Variants in DNAH14 observed in about 807,000 individuals in gnomAD.
DNAH14 encodes the protein axonemal beta dynein heavy chain 14.
Under a neutral mutation model 520.9 loss-of-function variants are expected in DNAH14, and 478 were observed. The observed-to-expected ratio is 0.92, with a 90% confidence interval of 0.85 to 0.99. The LOEUF is 0.99. DNAH14 is among the 50% of genes least tolerant of loss of function. DNAH14 has a pLI of 0.00. For missense variants in DNAH14, 4,831 were observed against 5,234.5 expected, an observed-to-expected ratio of 0.92 and a Z score of 2.38; for synonymous variants, 1,581 against 1,757.2, an observed-to-expected ratio of 0.90 and a Z score of 2.51.
At chr1:225,006,548 A>AACAT (rs1226737319) in intron 9 of DNAH14, among the ~76,000 whole-genome samples, 1 of 36,586 alleles carries the variant, frequency 2.7e-5, no homozygotes, top group Non-Finnish European at 2.1e-4. Flanking sequence ...ATTGGGGTTG[A>AACAT]AGATAAGGGA....
chr1:225,191,394 C>T (rs2085419355), intron 37 of DNAH14, among the ~76,000 whole-genome samples: 1 of 151,970 alleles, frequency 6.6e-6, no homozygotes, highest in Non-Finnish European at 1.5e-5. Context: ...CACTTTGTAT[C>T]ATCCCATGCC....
intron 1 of DNAH14, among the ~76,000 whole-genome samples, chr1:224,936,540 G>A (rs1192571701): frequency 3.3e-5 from 5 of 151,742 alleles, no homozygotes; most frequent in African/African-American, 7.2e-5. Context: ...GAACATCAAC[G>A]AACCAATAGG....
intron 34 of DNAH14, among the ~76,000 whole-genome samples, chr1:225,159,100 G>T (rs2081301912): frequency 6.6e-6 from 1 of 152,082 alleles, no homozygotes; most frequent in Non-Finnish European, 1.5e-5. Context: ...CTGGGGATTG[G>T]TGTTGCTCTT....
chr1:225,031,141 T>G (rs1202759528), intron 11 of DNAH14, among the ~76,000 whole-genome samples: 1 of 152,078 alleles, frequency 6.6e-6, no homozygotes, highest in Non-Finnish European at 1.5e-5. Context: ...TTAAAAATGG[T>G]ACCATATTTT....
chr1:225,091,650 A>G (rs1387619369), intron 21 of DNAH14, among the ~76,000 whole-genome samples: 1 of 152,144 alleles, frequency 6.6e-6, no homozygotes, highest in Non-Finnish European at 1.5e-5. Flanking sequence ...TAGACCATTG[A>G]CACTATAAAG....
chr1:225,096,281 C>G (rs1176783138), intron 21 of DNAH14, among the ~76,000 whole-genome samples: 3 of 151,920 alleles, frequency 2.0e-5, no homozygotes, highest in Non-Finnish European at 4.4e-5. Flanking sequence ...CGTGCCTGGC[C>G]AAAATTGTAT....
chr1:225,233,636 T>G (rs1470160563), intron 42 of DNAH14, among the ~76,000 whole-genome samples: 1 of 151,024 alleles, frequency 6.6e-6, no homozygotes, highest in Non-Finnish European at 1.5e-5. Context: ...TTTTTTAATG[T>G]TTTTTTTTCT....
At chr1:225,374,598 C>G (rs2095671956) in intron 77 of DNAH14, 90 bp from the exon 78 acceptor site, 2 of 1,126,368 alleles carry the variant, frequency 1.8e-6, no homozygotes, top group South Asian at 4.0e-5. Context: ...ATATATGTAG[C>G]TGTTTGAGAG....
chr1:225,076,472 T>G (rs1008205416), intron 17 of DNAH14, among the ~76,000 whole-genome samples: 3 of 152,210 alleles, frequency 2.0e-5, no homozygotes, highest in Non-Finnish European at 4.4e-5. Context: ...TGAAGGTACT[T>G]TTGTACATGG....
At chr1:225,017,576 GAC>G (rs2065314470) in intron 10 of DNAH14, among the ~76,000 whole-genome samples, 1 of 152,200 alleles carries the variant, frequency 6.6e-6, no homozygotes, top group Admixed American at 6.5e-5. Flanking sequence ...CACTTTTGCT[GAC>G]AGCCTCCCAC....
chr1:225,097,000 A>T, intron 21 of DNAH14, 118 bp from the exon 22 acceptor site: 1 of 856,454 alleles, frequency 1.2e-6, no homozygotes, highest in Non-Finnish European at 1.6e-6. Flanking sequence ...ACTTTCTATT[A>T]ATTATTTTCT....
At chr1:225,113,384 C>T (rs540289884) in intron 23 of DNAH14, among the ~76,000 whole-genome samples, 6 of 152,302 alleles carry the variant, frequency 3.9e-5, no homozygotes, top group East Asian at 1.9e-4. Flanking sequence ...AGGGGTGACA[C>T]AAGCATGCAT....
intron 23 of DNAH14, among the ~76,000 whole-genome samples, chr1:225,106,133 A>T (rs970049187): frequency 4.0e-5 from 6 of 149,854 alleles, no homozygotes; most frequent in Non-Finnish European, 5.9e-5. Context: ...TTTCTCCTTC[A>T]CTTATGGAGC....
intron 36 of DNAH14, among the ~76,000 whole-genome samples, chr1:225,171,918 A>G (rs966284095): frequency 9.9e-5 from 15 of 152,206 alleles, no homozygotes; most frequent in Admixed American, 2.0e-4. Flanking sequence ...CTTCTCCACT[A>G]TGATCAAGTG....
At chr1:225,139,507 G>A (rs2079241001) in intron 27 of DNAH14, among the ~76,000 whole-genome samples, 1 of 152,162 alleles carries the variant, frequency 6.6e-6, no homozygotes, top group South Asian at 2.1e-4. Context: ...CACATGACTA[G>A]GAGTTGTCTC....
At chr1:225,035,974 T>C (rs1000281830) in intron 11 of DNAH14, among the ~76,000 whole-genome samples, 5 of 152,172 alleles carry the variant, frequency 3.3e-5, no homozygotes, top group African/African-American at 7.2e-5. Context: ...TCTTTCCCTT[T>C]AGATCTAATA....
chr1:225,119,504 T>A (rs575342632), intron 26 of DNAH14, among the ~76,000 whole-genome samples: 2 of 152,294 alleles, frequency 1.3e-5, no homozygotes, highest in East Asian at 3.9e-4. Context: ...ACTTTTACAG[T>A]GTAACTGTCA....
intron 42 of DNAH14, among the ~76,000 whole-genome samples, chr1:225,238,679 C>T (rs2091770561): frequency 6.6e-6 from 1 of 152,100 alleles, no homozygotes; most frequent in African/African-American, 2.4e-5. Flanking sequence ...CCTTTCTTTC[C>T]CAGACCACCT....
intron 81 of DNAH14, among the ~76,000 whole-genome samples, chr1:225,387,103 T>C (rs1039289374): frequency 1.3e-5 from 2 of 152,108 alleles, no homozygotes; most frequent in African/African-American, 2.4e-5. Context: ...TGGATGAAGC[T>C]GGAAACCATC....
Sources: gnomAD v4.1 joint callset for allele counts (sites outside exome capture counted in the v4.1 genomes callset) on GRCh38, gnomAD v4.1.1 for gene constraint, MANE v1.5 for transcripts, NCBI Gene and HGNC (gene_info 2026-07-23, HGNC 2026-07-21) for gene names.